The following CCDC60 variants were observed in gnomAD, a reference collection of about 807,000 sequenced individuals.
CCDC60 encodes the protein coiled-coil domain containing 60.
A neutral mutation model predicts 63.5 loss-of-function variants in CCDC60; 54 were observed. That is an observed-to-expected ratio of 0.85 (90% confidence interval 0.68 to 1.07). The LOEUF is 1.07. Among genes scored for constraint, CCDC60 ranks in the 50% least tolerant of loss-of-function variants. The pLI is 0.00. For synonymous variants in CCDC60, 206 were observed against 238.8 expected (o/e 0.86, Z 1.27); for missense variants, 651 against 684.3 (o/e 0.95, Z 0.54).
chr12:119,509,967 T>C (rs1952168671), intron 7 of CCDC60, among the ~76,000 whole-genome samples: 1 of 152,194 alleles, frequency 6.6e-6, no homozygotes, highest in Non-Finnish European at 1.5e-5. Context: ...AAATTGATTT[T>C]TTTTTACATC....
At position 119,468,003 on chromosome 12, in the gene CCDC60, G is replaced by A. The variant is rs368156867; in HGVS notation, c.171-3991G>A. On this transcript the variant is annotated intron_variant, in intron 2 of 13. Coordinates refer to ENST00000327554, the MANE Select transcript of CCDC60 (RefSeq NM_178499.5). The stretch of plus-strand genomic sequence containing the variant: ...ATATAAAAGCCAGGCAGCCAGGCAC[G>A]GTGGCTCATGCCTGTAATCCCAGCA... Among the ~76,000 whole-genome samples, 13 of 152,008 alleles carry A rather than the reference G, an allele frequency of 8.6e-5. No individual in the cohort carries two copies. In the East Asian group the frequency reaches 1.2e-3, roughly 14 times the overall value.
At position 119,505,273 on chromosome 12, in the gene CCDC60, A is replaced by G. The variant is rs201898445; in HGVS notation, c.853A>G (p.Thr285Ala). ...CATTGAGGACAATGAGTCATCTTCA[A>G]CCAAGCCAGATGAAGAACCTCTGTA... The part of the protein sequence containing the change: ...KDIEDNESSS[T>A]KPDEEPLYMN... Residue 285 changes from threonine to alanine, a missense_variant, in exon 7 of 14, where the codon ACC (threonine) becomes GCC (alanine). Physicochemically the swap from Thr to Ala is moderately conservative, Grantham distance 58. Transcript: ENST00000327554. 3 of 1,611,402 alleles carry G rather than the reference A, an allele frequency of 1.9e-6. No individual in the cohort carries two copies. The highest frequency in any genetic ancestry group is 4.5e-5 in the East Asian group (2 of 44,874).
At chr12:119,540,562 G>A in intron 13 of CCDC60, 52 bp from the exon 14 acceptor site, 3 of 1,264,778 alleles carry the variant, frequency 2.4e-6, no homozygotes, top group Non-Finnish European at 2.3e-6. Context: ...AGAGAAGGTG[G>A]AGTCTACTTT....
chr12:119,348,926 T>C (rs1955625325), intron 1 of CCDC60, among the ~76,000 whole-genome samples: 1 of 152,218 alleles, frequency 6.6e-6, no homozygotes, highest in South Asian at 2.1e-4. Flanking sequence ...ATCATGATAA[T>C]AGAAGTAACT....
In CCDC60 at chr12:119,334,753, G is replaced by C. The variant is rs1308049269; in HGVS notation, c.-424G>C. The C allele has an allele frequency of 6.6e-6, 1 of 152,208 alleles. No homozygotes were observed. Among genetic ancestry groups the C allele is most frequent in the Admixed American group, 6.6e-5 (1 of 15,244 alleles). 9.4% of individuals were successfully genotyped at this position (152,208 alleles called of 1,614,324 possible). On this transcript the variant is annotated 5_prime_UTR_variant, in exon 1 of 14. Transcript: ENST00000327554. ...CGCAGTGCGATAAACCCCTCGTTGG[G>C]GCCGCCTTAGTTCTCGGCCGCTCTC...
chr12:119,382,247 G>A (rs982764378), intron 1 of CCDC60, among the ~76,000 whole-genome samples: 7 of 152,198 alleles, frequency 4.6e-5, no homozygotes, highest in Admixed American at 6.5e-5. Flanking sequence ...GCAGTCTTTA[G>A]CGTTTTACCA....
chr12:119,360,009 C>T (rs1015058108), intron 1 of CCDC60, among the ~76,000 whole-genome samples: 9 of 152,118 alleles, frequency 5.9e-5, no homozygotes, highest in South Asian at 4.2e-4. Flanking sequence ...TCCACAAAGC[C>T]GCCATTGTCA....
At chr12:119,446,630 G>C (rs994674923) in intron 2 of CCDC60, among the ~76,000 whole-genome samples, 1 of 152,192 alleles carries the variant, frequency 6.6e-6, no homozygotes, top group Non-Finnish European at 1.5e-5. Context: ...GGGAGACAGA[G>C]AGAATGAATC....
chr12:119,387,511 C>T (rs1956081325), intron 1 of CCDC60, among the ~76,000 whole-genome samples: 1 of 152,186 alleles, frequency 6.6e-6, no homozygotes, highest in Admixed American at 6.5e-5. Flanking sequence ...TCTTAATTCT[C>T]ACCCCCTGCC....
At chr12:119,362,692 C>T in intron 1 of CCDC60, among the ~76,000 whole-genome samples, 1 of 152,134 alleles carries the variant, frequency 6.6e-6, no homozygotes, top group East Asian at 1.9e-4. Context: ...TGGAGTGTTT[C>T]CTATTTAGGA....
intron 7 of CCDC60, among the ~76,000 whole-genome samples, chr12:119,507,598 A>T (rs1566050651): frequency 0.018 from 349 of 19,076 alleles, 34 homozygotes; most frequent in African/African-American, 0.079. Flanking sequence ...ATACATATAT[A>T]TATATATATA....
intron 1 of CCDC60, among the ~76,000 whole-genome samples, chr12:119,422,049 T>C (rs1432692148): frequency 1.3e-5 from 2 of 152,166 alleles, no homozygotes; most frequent in South Asian, 2.1e-4. Flanking sequence ...TTTCTGACGA[T>C]CTTGCTCTCA....
At chr12:119,405,409 A>G (rs551867135) in intron 1 of CCDC60, among the ~76,000 whole-genome samples, 14 of 152,030 alleles carry the variant, frequency 9.2e-5, no homozygotes, top group Middle Eastern at 6.8e-3. Context: ...TTTTGTCTTG[A>G]CTCTGAAATG....
chr12:119,379,063 G>T (rs1955983037), intron 1 of CCDC60, among the ~76,000 whole-genome samples: 1 of 152,210 alleles, frequency 6.6e-6, no homozygotes, highest in African/African-American at 2.4e-5. Context: ...GCCTGGCTTG[G>T]TTTTACCAGG....
intron 8 of CCDC60, among the ~76,000 whole-genome samples, chr12:119,517,279 T>A (rs971290846): frequency 2.6e-5 from 4 of 152,152 alleles, no homozygotes; most frequent in African/African-American, 9.7e-5. Flanking sequence ...CAGATGTGAA[T>A]CACCATACCT....
At chr12:119,449,651 G>A (rs1327139195) in intron 2 of CCDC60, among the ~76,000 whole-genome samples, 4 of 152,198 alleles carry the variant, frequency 2.6e-5, no homozygotes, top group Admixed American at 2.6e-4. Flanking sequence ...TAGTCACTGT[G>A]CCAGGTTCTG....
At chr12:119,530,834 C>T (rs1952820557) in intron 12 of CCDC60, 40 bp from the exon 13 acceptor site, 1 of 1,568,164 alleles carries the variant, frequency 6.4e-7, no homozygotes, top group East Asian at 2.2e-5. Flanking sequence ...TCAGATCTTC[C>T]AGCAGCTTCC....
At chr12:119,530,384 C>T (rs16949312) in intron 12 of CCDC60, among the ~76,000 whole-genome samples, 6,867 of 151,670 alleles carry the variant, frequency 0.045, 469 homozygotes, top group African/African-American at 0.16. Flanking sequence ...GATTCCAAAA[C>T]TACTCTCACA....
intron 1 of CCDC60, among the ~76,000 whole-genome samples, chr12:119,379,578 G>A (rs534499215): frequency 6.6e-6 from 1 of 152,314 alleles, no homozygotes; most frequent in African/African-American, 2.4e-5. Flanking sequence ...ATAATGCCTG[G>A]CACATAATGG....
Sources: gnomAD v4.1 joint callset for allele counts (sites outside exome capture counted in the v4.1 genomes callset) on GRCh38, gnomAD v4.1.1 for gene constraint, MANE v1.5 for transcripts, NCBI Gene and HGNC (gene_info 2026-07-23, HGNC 2026-07-21) for gene names.